The following MTDH variants were observed in gnomAD, a reference collection of about 807,000 sequenced individuals.
The protein encoded by MTDH is metadherin.
A neutral mutation model predicts 72.7 loss-of-function variants in MTDH; 34 were observed. The observed-to-expected ratio is 0.47, with a 90% CI of 0.36 to 0.62. The LOEUF is 0.62. Among genes scored for constraint, MTDH ranks in the 20% least tolerant of loss-of-function variants. The pLI is 0.00. For missense variants in MTDH, 677 were observed against 699.4 expected (o/e 0.97, Z 0.36); for synonymous variants, 266 against 268.9 (o/e 0.99, Z 0.10).
At chr8:97,711,119 A>G (rs985244689) in intron 8 of MTDH, among the ~76,000 whole-genome samples, 1 of 152,194 alleles carries the variant, frequency 6.6e-6, no homozygotes, top group Non-Finnish European at 1.5e-5. Context: ...GCAGAATGCT[A>G]TTTTCAATGA....
intron 1 of MTDH, among the ~76,000 whole-genome samples, chr8:97,660,823 G>C (rs1009458687): frequency 6.6e-6 from 1 of 151,950 alleles, no homozygotes; most frequent in African/African-American, 2.4e-5. Flanking sequence ...ATTTTTGTTA[G>C]AGGGACTGAT....
At chr8:97,714,424 G>A (rs1814766301) in intron 9 of MTDH, among the ~76,000 whole-genome samples, 1 of 152,046 alleles carries the variant, frequency 6.6e-6, no homozygotes, top group South Asian at 2.1e-4. Flanking sequence ...ACCAGCCTGG[G>A]CAACATGGCA....
chr8:97,689,198 G>GA, intron 5 of MTDH, 95 bp downstream of exon 5: 4 of 610,994 alleles, frequency 6.5e-6, no homozygotes, highest in South Asian at 6.0e-5. Flanking sequence ...CAGAAGGAAA[G>GA]AAAAAAGTCT....
intron 6 of MTDH, among the ~76,000 whole-genome samples, chr8:97,692,777 T>G (rs1283867300): frequency 2.0e-5 from 3 of 152,208 alleles, no homozygotes; most frequent in Middle Eastern, 3.4e-3. Flanking sequence ...TTACCCAGGC[T>G]GGAGTGCAGT....
At position 97,691,198 on chromosome 8, in the gene MTDH, G is replaced by A. The variant is rs1321046639; in HGVS notation, c.1048+10G>A. 1.3e-6 allele frequency: 2 copies of A among 1,511,152 alleles called. No individual in the cohort carries two copies. Among genetic ancestry groups the A allele is most frequent in the Non-Finnish European group, 1.8e-6 (2 of 1,124,682 alleles). 93.6% of individuals were successfully genotyped at this position (1,511,152 alleles called of 1,614,324 possible). A position where few individuals can be genotyped will look rare whatever the true frequency, so the allele number is the denominator to read the frequency against. On this transcript the variant is annotated intron_variant, in intron 6 of 11. Coordinates refer to ENST00000336273, the MANE Select transcript of MTDH (RefSeq NM_178812.4). ...ATATTTTCTGGCATTGGTAAGAAGT[G>A]TTAGAAAAATTTAACTTTATTTAAA...
At chr8:97,683,290 C>G (rs917508647) in intron 2 of MTDH, among the ~76,000 whole-genome samples, 5 of 151,750 alleles carry the variant, frequency 3.3e-5, no homozygotes, top group Non-Finnish European at 7.4e-5. Flanking sequence ...GTCTCGATCT[C>G]CTAAGCTCAG....
intron 1 of MTDH, among the ~76,000 whole-genome samples, chr8:97,649,937 A>T (rs937473174): frequency 6.8e-6 from 1 of 146,546 alleles, no homozygotes; most frequent in African/African-American, 2.5e-5. Flanking sequence ...CCTTCTTTCT[A>T]TCTCTCTACC....
intron 2 of MTDH, among the ~76,000 whole-genome samples, chr8:97,670,548 C>T (rs1253040284): frequency 6.6e-6 from 1 of 152,196 alleles, no homozygotes; most frequent in African/African-American, 2.4e-5. Context: ...CACTTTAACC[C>T]AGGAGGTGGA....
intron 1 of MTDH, 78 bp downstream of exon 1, chr8:97,644,965 C>T: frequency 6.9e-7 from 1 of 1,440,104 alleles, no homozygotes. Flanking sequence ...GAGGCCGCGC[C>T]CCAGCCGGGA....
At chr8:97,679,676 A>T (rs1812992143) in intron 2 of MTDH, among the ~76,000 whole-genome samples, 2 of 152,238 alleles carry the variant, frequency 1.3e-5, no homozygotes, top group Non-Finnish European at 2.9e-5. Flanking sequence ...ATATTTTACA[A>T]ATGTATACAC....
intron 1 of MTDH, among the ~76,000 whole-genome samples, chr8:97,645,840 A>G (rs1269446669): frequency 2.6e-5 from 4 of 152,236 alleles, no homozygotes; most frequent in Admixed American, 2.0e-4. Flanking sequence ...TATGGAGGGT[A>G]TGCAGAGTTA....
At position 97,673,364 on chromosome 8, in the gene MTDH, A is replaced by T. The variant is rs985235073; in HGVS notation, c.483+12191A>T. ...AGTGAGACCCCACCTGTACAAAAAA[A>T]TTTTTAAATTTAGGCCAGGCACGGT... is the stretch of plus-strand genomic sequence containing the variant. On this transcript the variant is annotated intron_variant, in intron 2 of 11. Transcript: ENST00000336273. 7.9e-5 allele frequency among the ~76,000 whole-genome samples: 12 copies of T among 152,106 alleles called. No homozygotes were observed. In the South Asian group the frequency reaches 2.1e-3, roughly 26 times the overall value.
At chr8:97,704,825 G>C (rs558826074) in intron 7 of MTDH, among the ~76,000 whole-genome samples, 1 of 152,118 alleles carries the variant, frequency 6.6e-6, no homozygotes, top group South Asian at 2.1e-4. Flanking sequence ...AACAATAATA[G>C]AGTTCACCTG....
chr8:97,686,740 G>A lies in MTDH; in HGVS notation c.556G>A (p.Glu186Lys). The A allele has an allele frequency of 1.9e-6, 3 of 1,594,266 alleles. No homozygotes were observed. Among genetic ancestry groups the A allele is most frequent in the Non-Finnish European group, 2.6e-6 (3 of 1,171,016 alleles). The change falls in exon 3 of 12, where the codon GAA becomes AAA. Residue 186 changes from glutamate to lysine, a missense_variant. By Grantham distance (56) the Glu-to-Lys change is moderately conservative. This residue lies in a region of MTDH where 467 missense variants were observed against 469.1 expected (regional missense o/e 1.00). Coordinates refer to ENST00000336273, the MANE Select transcript of MTDH (RefSeq NM_178812.4). Reference sequence around the variant, plus strand: ...AAACAGTTCACGCCATGATGGAAAGGAAGTTGATGAAGGTACTTGAGCAAG... The same window carrying A: ...AAACAGTTCACGCCATGATGGAAAGAAAGTTGATGAAGGTACTTGAGCAAG... Reference protein sequence around the residue: ...VQNSSRHDGKEVDEGAWETKI... With the variant: ...VQNSSRHDGKKVDEGAWETKI...
intron 10 of MTDH, among the ~76,000 whole-genome samples, chr8:97,720,173 T>C (rs549779712): frequency 6.6e-6 from 1 of 152,212 alleles, no homozygotes; most frequent in East Asian, 1.9e-4. Flanking sequence ...TAATCCCAGC[T>C]ACCCAAGAGG....
intron 8 of MTDH, among the ~76,000 whole-genome samples, chr8:97,712,161 C>CCAGCAGTAG (rs1814665277): frequency 6.6e-6 from 1 of 152,204 alleles, no homozygotes; most frequent in East Asian, 1.9e-4. Flanking sequence ...TCTCAGCCTC[C>CCAGCAGTAG]TGAGTAGCTG....
intron 2 of MTDH, among the ~76,000 whole-genome samples, chr8:97,667,510 A>G (rs943758794): frequency 6.6e-5 from 10 of 152,226 alleles, no homozygotes; most frequent in African/African-American, 2.4e-4. Context: ...TTGTGTGCCA[A>G]ATTAGCCACT....
At position 97,691,082 on chromosome 8, in the gene MTDH, G is replaced by A; in HGVS notation, c.942G>A (p.Lys314=). 6.2e-7 allele frequency: 1 copy of A among 1,614,194 alleles called. No homozygotes were observed. Among genetic ancestry groups the A allele is most frequent in the South Asian group, 1.1e-5 (1 of 91,086 alleles). The change falls in exon 6 of 12, where the codon AAG becomes AAA. Residue 314 remains lysine, a synonymous_variant. Coordinates refer to ENST00000336273, the MANE Select transcript of MTDH (RefSeq NM_178812.4). ...CCGTTTCACCTGCTTCTGCAGGAAA[G>A]AGGAAAACTGAGCCATCTGCCTGGA... ...WNSVSPASAG[K]RKTEPSAWSQ...
At chr8:97,669,215 C>A (rs1327102989) in intron 2 of MTDH, among the ~76,000 whole-genome samples, 5 of 152,156 alleles carry the variant, frequency 3.3e-5, no homozygotes, top group Non-Finnish European at 5.9e-5. Context: ...GTGGCACGAT[C>A]TCCGCTCACT....
Sources: allele counts gnomAD v4.1 joint callset (sites outside exome capture counted in the v4.1 genomes callset), GRCh38; gene constraint gnomAD v4.1.1; regional missense constraint gnomAD v4.1.1; transcripts MANE v1.5; gene names NCBI Gene and HGNC (gene_info 2026-07-23, HGNC 2026-07-21).